The following CDH12 variants were observed in gnomAD, a reference collection of about 807,000 sequenced individuals.
CDH12 encodes the protein cadherin-12.
Under a neutral mutation model 74.1 loss-of-function variants are expected in CDH12, and 41 were observed. The observed-to-expected ratio is 0.55, with a 90% CI of 0.43 to 0.72. The LOEUF is 0.72. CDH12 is among the 30% of genes least tolerant of loss of function. The probability of loss-of-function intolerance (pLI) is 0.00; values close to 1 mark genes in which losing one functional copy is unlikely to be tolerated. For synonymous variants in CDH12, 399 were observed against 355.0 expected (o/e 1.12, Z -1.39); for missense variants, 945 against 977.2 (o/e 0.97, Z 0.44).
chr5:22,059,269 A>ATCTT (rs968260296), intron 5 of CDH12, among the ~76,000 whole-genome samples: 6 of 150,434 alleles, frequency 4.0e-5, no homozygotes, highest in African/African-American at 1.5e-4. Flanking sequence ...CTATCTATCT[A>ATCTT]TCTATCTATC....
Position 21,846,255 on chromosome 5 carries a change from C to T in CDH12, c.647-3927G>A, listed in dbSNP as rs551385495. 9.3e-4 allele frequency among the ~76,000 whole-genome samples: 142 copies of T among 152,296 alleles called. 1 individual carries two copies. The highest frequency in any genetic ancestry group is 3.3e-3 in the African/African-American group (139 of 41,566). On this transcript the variant is annotated intron_variant, in intron 7 of 14. Coordinates refer to ENST00000382254, the MANE Select transcript of CDH12 (RefSeq NM_004061.5). ...GTAAATCAGACATCACCTCCTCAAG[C>T]TTATCTATAAAACCTGCTGCATTTC...
intron 1 of CDH12, among the ~76,000 whole-genome samples, chr5:22,617,030 A>C (rs1056382507): frequency 6.6e-6 from 1 of 151,874 alleles, no homozygotes; most frequent in Admixed American, 6.6e-5. Flanking sequence ...ACAGACAGCT[A>C]ATTTTTTGTG....
intron 1 of CDH12, among the ~76,000 whole-genome samples, chr5:22,743,226 T>C (rs1025637171): frequency 1.3e-5 from 2 of 149,626 alleles, no homozygotes; most frequent in African/African-American, 4.9e-5. Flanking sequence ...ACTGCAAATC[T>C]TGGGACTTCT....
chr5:22,161,284 G>C (rs569052101), intron 4 of CDH12, among the ~76,000 whole-genome samples: 3 of 152,172 alleles, frequency 2.0e-5, no homozygotes, highest in East Asian at 1.9e-4. Flanking sequence ...GAAAATTAAA[G>C]ATAAAATTTT....
chr5:22,057,792 C>T (rs750789269), intron 5 of CDH12, among the ~76,000 whole-genome samples: 4 of 151,948 alleles, frequency 2.6e-5, no homozygotes, highest in African/African-American at 4.8e-5. Context: ...TTTCATGGAG[C>T]GATGATGAAG....
intron 2 of CDH12, among the ~76,000 whole-genome samples, chr5:22,462,106 C>A (rs1282589659): frequency 6.6e-6 from 1 of 151,990 alleles, no homozygotes; most frequent in African/African-American, 2.4e-5. Context: ...GAAATTATAA[C>A]AACAAACTAT....
intron 1 of CDH12, among the ~76,000 whole-genome samples, chr5:22,811,183 A>T (rs1021866838): frequency 6.6e-6 from 1 of 151,958 alleles, no homozygotes; most frequent in African/African-American, 2.4e-5. Flanking sequence ...ATATATTTGG[A>T]TGGACAGTCA....
intron 2 of CDH12, among the ~76,000 whole-genome samples, chr5:22,467,663 T>G (rs1745791412): frequency 6.6e-6 from 1 of 152,180 alleles, no homozygotes; most frequent in African/African-American, 2.4e-5. Flanking sequence ...AAATATTGGT[T>G]GAATGAAATA....
intron 9 of CDH12, among the ~76,000 whole-genome samples, 183 bp from the exon 10 acceptor site, chr5:21,802,603 T>C (rs919497722): frequency 6.3e-4 from 92 of 146,820 alleles, no homozygotes; most frequent in Non-Finnish European, 8.1e-4. Flanking sequence ...CTTTTTTTTT[T>C]TTTTTTGAGA....
chr5:22,128,008 A>T (rs953019552), intron 4 of CDH12, among the ~76,000 whole-genome samples: 1 of 151,972 alleles, frequency 6.6e-6, no homozygotes, highest in Non-Finnish European at 1.5e-5. Context: ...GGGACATTTT[A>T]TGAAAGCTAT....
At chr5:22,784,411 C>T (rs1747527395) in intron 1 of CDH12, among the ~76,000 whole-genome samples, 1 of 152,086 alleles carries the variant, frequency 6.6e-6, no homozygotes, top group Admixed American at 6.6e-5. Context: ...TTCACCTTCC[C>T]CTTAACTTTC....
chr5:22,173,752 A>G (rs1580357150), intron 4 of CDH12, among the ~76,000 whole-genome samples: 1 of 151,896 alleles, frequency 6.6e-6, no homozygotes, highest in East Asian at 1.9e-4. Context: ...ACTAACACTT[A>G]CGTAATGTGT....
intron 1 of CDH12, among the ~76,000 whole-genome samples, chr5:22,804,390 G>A (rs964052973): frequency 6.6e-6 from 1 of 152,136 alleles, no homozygotes; most frequent in Non-Finnish European, 1.5e-5. Context: ...GCCTGTGAGA[G>A]AGAGAAGGAT....
intron 9 of CDH12, among the ~76,000 whole-genome samples, chr5:21,803,268 ATTT>A (rs530630841): frequency 6.6e-6 from 1 of 151,432 alleles, no homozygotes; most frequent in Non-Finnish European, 1.5e-5. Context: ...ATCTTTTTTT[ATTT>A]TTTTTACTAG....
At chr5:22,415,608 C>G (rs1039921131) in intron 2 of CDH12, among the ~76,000 whole-genome samples, 5 of 152,120 alleles carry the variant, frequency 3.3e-5, no homozygotes, top group Non-Finnish European at 5.9e-5. Context: ...AACAAATGGC[C>G]CAGGTACTTT....
At chr5:21,759,331 A>G (rs1160358251) in intron 13 of CDH12, among the ~76,000 whole-genome samples, 1 of 151,846 alleles carries the variant, frequency 6.6e-6, no homozygotes, top group African/African-American at 2.4e-5. Context: ...ATTTTTAAAG[A>G]GTTTCATTCT....
chr5:22,752,286 C>A (rs1450366009), intron 1 of CDH12, among the ~76,000 whole-genome samples: 2 of 151,772 alleles, frequency 1.3e-5, no homozygotes, highest in African/African-American at 2.4e-5. Context: ...AAGAAAAAAA[C>A]CCTTAATGTA....
chr5:22,539,758 G>A (rs1343638301), intron 1 of CDH12, among the ~76,000 whole-genome samples: 1 of 152,222 alleles, frequency 6.6e-6, no homozygotes, highest in Non-Finnish European at 1.5e-5. Flanking sequence ...CTGTATGGAT[G>A]TGATCTGTAG....
chr5:22,293,157 T>C (rs1265547634), intron 3 of CDH12, among the ~76,000 whole-genome samples: 12 of 152,266 alleles, frequency 7.9e-5, no homozygotes. Context: ...CTGTAGCCCC[T>C]ACCCCTGCTC....
Sources: allele counts gnomAD v4.1 joint callset (sites outside exome capture counted in the v4.1 genomes callset), GRCh38; gene constraint gnomAD v4.1.1; transcripts MANE v1.5; gene names NCBI Gene and HGNC (gene_info 2026-07-23, HGNC 2026-07-21).